Variants in PTPRD observed in about 807,000 individuals in gnomAD.
PTPRD encodes the protein receptor-type tyrosine-protein phosphatase delta.
PTPRD carries 34 observed loss-of-function variants against 214.5 expected under a neutral mutation model. That is an observed-to-expected ratio of 0.16 (90% CI 0.12 to 0.21). The LOEUF is 0.21. Among genes scored for constraint, PTPRD ranks in the 10% least tolerant of loss-of-function variants. The probability of loss-of-function intolerance (pLI) is 1.00; values close to 1 mark genes in which losing one functional copy is unlikely to be tolerated. For synonymous variants in PTPRD, 1,128 were observed against 845.7 expected (o/e 1.33, Z -5.79); for missense variants, 2,545 against 2,398.7 (o/e 1.06, Z -1.27).
intron 6 of PTPRD, among the ~76,000 whole-genome samples, chr9:9,750,160 C>T (rs1310735250): frequency 1.3e-5 from 2 of 152,124 alleles, no homozygotes; most frequent in Non-Finnish European, 2.9e-5. Context: ...ATTCCTCTCT[C>T]TAGCGCATAT....
intron 9 of PTPRD, among the ~76,000 whole-genome samples, chr9:9,386,450 A>G (rs2063902759): frequency 1.3e-5 from 2 of 151,734 alleles, no homozygotes; most frequent in South Asian, 4.1e-4. Context: ...CGGTAAAACG[A>G]ATGGTGGTTG....
Position 8,449,820 on chromosome 9 carries a change from T to A in PTPRD, c.3893A>T (p.Asp1298Val), listed in dbSNP as rs2133473034. Residue 1298 changes from aspartate to valine, a missense_variant, in exon 34 of 46, where the codon GAC becomes GTC. Physicochemically the swap from Asp to Val is radical, Grantham distance 152. Coordinates refer to ENST00000381196, the MANE Select transcript of PTPRD (RefSeq NM_002839.4). Reference protein sequence around the residue: ...LLYKRKRAESDSRKSSIPNNK... With the variant: ...LLYKRKRAESVSRKSSIPNNK... ...GTTCGGTATGCTGCTTTTTCTAGAG[T>A]CGGACTCTGCCCTCTTCCTATAGGG... is the stretch of plus-strand genomic sequence containing the variant. 1 of 1,613,780 alleles carries A rather than the reference T, an allele frequency of 6.2e-7. No homozygotes were observed. Among genetic ancestry groups the A allele is most frequent in the Middle Eastern group, 1.7e-4 (1 of 6,060 alleles).
At chr9:10,048,837 A>T (rs2097458419) in intron 3 of PTPRD, among the ~76,000 whole-genome samples, 2 of 152,044 alleles carry the variant, frequency 1.3e-5, no homozygotes, top group Admixed American at 1.3e-4. Context: ...AGTAACTTAA[A>T]TGGTAAACTC....
chr9:9,707,630 T>C (rs758701772), intron 7 of PTPRD, among the ~76,000 whole-genome samples: 7 of 152,140 alleles, frequency 4.6e-5, no homozygotes, highest in Non-Finnish European at 8.8e-5. Flanking sequence ...TAGCAAAAAA[T>C]AGTTTTGCCT....
intron 7 of PTPRD, among the ~76,000 whole-genome samples, chr9:9,721,353 G>T (rs2154432980): frequency 6.6e-6 from 1 of 152,156 alleles, no homozygotes; most frequent in Non-Finnish European, 1.5e-5. Flanking sequence ...GGGGACAAAA[G>T]AGTATAAGGA....
chr9:8,421,726 A>G (rs2094378923), intron 35 of PTPRD, among the ~76,000 whole-genome samples: 1 of 152,212 alleles, frequency 6.6e-6, no homozygotes, highest in African/African-American at 2.4e-5. Flanking sequence ...TTTAAAAGCA[A>G]TACAAACAAA....
intron 5 of PTPRD, among the ~76,000 whole-genome samples, chr9:9,906,298 T>A (rs1049559478): frequency 7.9e-5 from 12 of 151,982 alleles, no homozygotes; most frequent in Non-Finnish European, 1.3e-4. Flanking sequence ...AGAAGTGTGC[T>A]TTTTTGTACG....
rs560917895 is a variant in PTPRD, at chr9:10,044,318, G to A, written c.-544-10528C>T. ...TCAAATTTTAGAGGATATAAATTAT[G>A]CTACTAAATTTTTCTTTATATTTAA... is the stretch of plus-strand genomic sequence containing the variant. On this transcript the variant is annotated intron_variant, in intron 3 of 45. Transcript: ENST00000381196. Among the ~76,000 whole-genome samples, 445 of 151,862 alleles carry A rather than the reference G, an allele frequency of 2.9e-3. 2 individuals carry two copies. Among genetic ancestry groups the A allele is most frequent in the African/African-American group, 0.01 (420 of 41,518 alleles).
intron 5 of PTPRD, among the ~76,000 whole-genome samples, chr9:9,885,334 G>C (rs780560999): frequency 6.6e-6 from 1 of 152,008 alleles, no homozygotes; most frequent in Non-Finnish European, 1.5e-5. Flanking sequence ...CCTTTGTTAA[G>C]ATGTAAGAAA....
At chr9:8,599,602 A>ACCCCCCCC (rs2094694800) in intron 14 of PTPRD, among the ~76,000 whole-genome samples, 2 of 46,732 alleles carry the variant, frequency 4.3e-5, no homozygotes, top group Non-Finnish European at 7.9e-5. Flanking sequence ...CCTTTCCCCC[A>ACCCCCCCC]CCCGCCCACC....
intron 12 of PTPRD, among the ~76,000 whole-genome samples, chr9:8,687,569 G>A (rs1597023749): frequency 6.6e-6 from 1 of 152,150 alleles, no homozygotes; most frequent in East Asian, 1.9e-4. Context: ...TACAGCCAAG[G>A]TCGGATGGAA....
chr9:9,490,421 C>G lies in PTPRD; in HGVS notation c.-237+84311G>C, dbSNP rs141841102. 6.5e-3 allele frequency among the ~76,000 whole-genome samples: 995 copies of G among 152,134 alleles called. 6 individuals carry two copies. Among genetic ancestry groups the G allele is most frequent in the African/African-American group, 0.023 (963 of 41,556 alleles). On this transcript the variant is annotated intron_variant, in intron 8 of 45. Coordinates refer to ENST00000381196, the MANE Select transcript of PTPRD (RefSeq NM_002839.4). The stretch of plus-strand genomic sequence containing the variant: ...GTCGCTTTCCACACAATTTAATGAA[C>G]TAACACATTAAAACATATATTACTC...
chr9:8,974,154 T>C (rs1589148335), intron 11 of PTPRD, among the ~76,000 whole-genome samples: 1 of 152,090 alleles, frequency 6.6e-6, no homozygotes, highest in African/African-American at 2.4e-5. Flanking sequence ...TTTCCTAGGT[T>C]TTCCTTTAGG....
In PTPRD at chr9:10,538,323, G is replaced by C. The variant is rs2058348924; in HGVS notation, c.-600+74075C>G. ...AAAGGGAGAGGAGTGGTTCTGTAAA[G>C]AAAGAGATGATGAAGAAAAACATTT... On this transcript the variant is annotated intron_variant, in intron 2 of 45. Transcript: ENST00000381196. Among the ~76,000 whole-genome samples, 3 of 151,608 alleles carry C rather than the reference G, an allele frequency of 2.0e-5. No homozygotes were observed. In the South Asian group the frequency reaches 6.2e-4, roughly 32 times the overall value.
intron 11 of PTPRD, among the ~76,000 whole-genome samples, chr9:8,894,997 A>T (rs533560488): frequency 6.6e-6 from 1 of 152,324 alleles, no homozygotes; most frequent in South Asian, 2.1e-4. Flanking sequence ...ACTGCAATGC[A>T]GTGCTGTCTT....
chr9:10,487,245 A>G (rs980678133), intron 2 of PTPRD, among the ~76,000 whole-genome samples: 1 of 152,076 alleles, frequency 6.6e-6, no homozygotes, highest in African/African-American at 2.4e-5. Context: ...TTTTCTATCC[A>G]TTTGACCACT....
chr9:10,003,769 T>C (rs1288633281), intron 4 of PTPRD, among the ~76,000 whole-genome samples: 1 of 151,750 alleles, frequency 6.6e-6, no homozygotes, highest in Non-Finnish European at 1.5e-5. Flanking sequence ...ACTCATGTGG[T>C]CCTCACAACA....
chr9:8,419,120 C>G (rs1219446187), intron 35 of PTPRD, among the ~76,000 whole-genome samples: 1 of 151,312 alleles, frequency 6.6e-6, no homozygotes, highest in Non-Finnish European at 1.5e-5. Context: ...ACTTGGGAGC[C>G]TGAGGCAGGA....
chr9:9,077,619 A>T (rs908378688), intron 10 of PTPRD, among the ~76,000 whole-genome samples: 1 of 152,070 alleles, frequency 6.6e-6, no homozygotes, highest in African/African-American at 2.4e-5. Flanking sequence ...GTGTCATGCA[A>T]AGATTTGTGA....
Sources: allele counts gnomAD v4.1 joint callset (sites outside exome capture counted in the v4.1 genomes callset), GRCh38; gene constraint gnomAD v4.1.1; transcripts MANE v1.5; gene names NCBI Gene and HGNC (gene_info 2026-07-23, HGNC 2026-07-21).